FAM53B: variants seen among roughly 807,000 people sequenced by gnomAD.
FAM53B encodes protein FAM53B.
A neutral mutation model predicts 32.7 loss-of-function variants in FAM53B; 12 were observed. The ratio of observed to expected loss-of-function variants is 0.37; its 90% CI spans 0.24 to 0.59. The LOEUF (loss-of-function observed/expected upper bound fraction) is 0.59, where lower values mean the gene tolerates loss of function less well. FAM53B is among the 20% of genes least tolerant of loss of function. The pLI is 0.72. For synonymous variants in FAM53B, 234 were observed against 228.7 expected (o/e 1.02, Z -0.21); for missense variants, 477 against 577.7 (o/e 0.83, Z 1.79).
chr10:124,685,191 T>G (rs575284410), intron 3 of FAM53B, among the ~76,000 whole-genome samples: 1 of 152,242 alleles, frequency 6.6e-6, no homozygotes, highest in Non-Finnish European at 1.5e-5. Context: ...AAGAAAGAAA[T>G]AAACCGAAAT....
At chr10:124,685,968 C>T (rs1346889741) in intron 3 of FAM53B, among the ~76,000 whole-genome samples, 6 of 152,132 alleles carry the variant, frequency 3.9e-5, no homozygotes, top group Non-Finnish European at 8.8e-5. Context: ...GGCACCCGGG[C>T]CCATCTCCAC....
intron 4 of FAM53B, among the ~76,000 whole-genome samples, chr10:124,654,373 A>C (rs540633804): frequency 7.2e-5 from 11 of 152,368 alleles, no homozygotes; most frequent in Middle Eastern, 3.4e-3. Context: ...CCACACTGGA[A>C]CATCAGCTCT....
chr10:124,698,940 G>A (rs1187764182), intron 2 of FAM53B, among the ~76,000 whole-genome samples: 2 of 152,124 alleles, frequency 1.3e-5, no homozygotes, highest in African/African-American at 2.4e-5. Context: ...CCTTGCTCTG[G>A]CCCTCCCCTC....
At chr10:124,634,101 C>T (rs1425823005) in intron 4 of FAM53B, among the ~76,000 whole-genome samples, 1 of 152,178 alleles carries the variant, frequency 6.6e-6, no homozygotes. Context: ...AACTTGTACA[C>T]AAACATTTAC....
Position 124,706,684 on chromosome 10 carries a change from G to A in FAM53B, c.30C>T (p.Ser10=). MVMVLSESL[S]TRGADSIACG... ...ATGCAATGGAGTCAGCTCCCCGGGT[G>A]CTGAGGCTTTCACTTAGGACCATCA... The change falls in exon 2 of 5, where the codon AGC becomes AGT. Residue 10 remains serine (S), a synonymous_variant. Transcript: ENST00000337318. 1 of 1,614,164 alleles carries A rather than the reference G, an allele frequency of 6.2e-7. No individual in the cohort carries two copies. The highest frequency in any genetic ancestry group is 8.5e-7 in the Non-Finnish European group (1 of 1,180,010).
intron 4 of FAM53B, among the ~76,000 whole-genome samples, chr10:124,652,249 T>C (rs1316169070): frequency 1.3e-5 from 2 of 152,196 alleles, no homozygotes; most frequent in African/African-American, 4.8e-5. Flanking sequence ...TCAACCATAA[T>C]ACCAGGGCTT....
chr10:124,643,082 G>A (rs1014175017), intron 4 of FAM53B, among the ~76,000 whole-genome samples: 8 of 152,184 alleles, frequency 5.3e-5, no homozygotes, highest in East Asian at 3.8e-4. Flanking sequence ...GAAAGAGCAC[G>A]AAAAGGACAC....
At chr10:124,690,243 A>G (rs1233623680) in intron 3 of FAM53B, among the ~76,000 whole-genome samples, 1 of 152,268 alleles carries the variant, frequency 6.6e-6, no homozygotes, top group East Asian at 1.9e-4. Context: ...GAGAAAGAGC[A>G]TGAATGTGCA....
intron 1 of FAM53B, among the ~76,000 whole-genome samples, chr10:124,711,542 A>T (rs114752459): frequency 0.013 from 1,996 of 152,328 alleles, 38 homozygotes; most frequent in African/African-American, 0.033. Context: ...CAAAAAAAAA[A>T]TTTTAAATAA....
intron 4 of FAM53B, among the ~76,000 whole-genome samples, chr10:124,635,625 C>T (rs938719334): frequency 5.9e-5 from 9 of 152,160 alleles, no homozygotes; most frequent in African/African-American, 1.7e-4. Flanking sequence ...AGGGCTCCTA[C>T]AGCGTTAACC....
At chr10:124,736,767 A>C (rs925110773) in intron 1 of FAM53B, among the ~76,000 whole-genome samples, 2 of 152,236 alleles carry the variant, frequency 1.3e-5, no homozygotes, top group Non-Finnish European at 2.9e-5. Context: ...AGCTGCCAGG[A>C]CACACAGCGG....
In FAM53B at chr10:124,680,988, G is replaced by C. The variant is rs950915669; in HGVS notation, c.906+619C>G. Among the ~76,000 whole-genome samples, 3 of 152,324 alleles carry C rather than the reference G, an allele frequency of 2.0e-5. No homozygotes were observed. In the South Asian group the frequency reaches 6.2e-4, roughly 32 times the overall value. Reference sequence around the variant, plus strand: ...AAGATCAGTGTTAGCACAAGGCAGAGCTCCAAGACAAAGAGGATAAAGTCC... The same window carrying C: ...AAGATCAGTGTTAGCACAAGGCAGACCTCCAAGACAAAGAGGATAAAGTCC... On this transcript the variant is annotated intron_variant, in intron 4 of 4. Coordinates refer to ENST00000337318, the MANE Select transcript of FAM53B (RefSeq NM_014661.4).
At chr10:124,645,126 T>C (rs1254019015) in intron 4 of FAM53B, among the ~76,000 whole-genome samples, 1 of 152,170 alleles carries the variant, frequency 6.6e-6, no homozygotes, top group Non-Finnish European at 1.5e-5. Context: ...CACAAGGAGC[T>C]GGCTGGAGCC....
chr10:124,677,431 C>T (rs543638788), intron 4 of FAM53B, among the ~76,000 whole-genome samples: 4 of 152,354 alleles, frequency 2.6e-5, no homozygotes, highest in East Asian at 1.9e-4. Context: ...AGGAGGCCCA[C>T]GGGGCCGGGC....
intron 4 of FAM53B, among the ~76,000 whole-genome samples, chr10:124,648,871 C>T (rs917206715): frequency 6.6e-6 from 1 of 152,228 alleles, no homozygotes; most frequent in East Asian, 1.9e-4. Context: ...CAGCCCTTAA[C>T]GAATGTGCAG....
chr10:124,624,061 G>C (rs539264580), intron 4 of FAM53B: 1 of 162,468 alleles, frequency 6.2e-6, no homozygotes, highest in Non-Finnish European at 1.3e-5. Context: ...GAAAAGAAGA[G>C]AGTAACCCAA....
intron 4 of FAM53B, among the ~76,000 whole-genome samples, chr10:124,628,787 AG>A (rs1184686537): frequency 6.6e-6 from 1 of 152,220 alleles, no homozygotes; most frequent in African/African-American, 2.4e-5. Flanking sequence ...CAACAGGTGC[AG>A]GGACAGGAGC....
intron 2 of FAM53B, among the ~76,000 whole-genome samples, chr10:124,704,518 GA>G (rs1261368670): frequency 6.6e-6 from 1 of 152,254 alleles, no homozygotes; most frequent in East Asian, 1.9e-4. Context: ...AGTAGCCAGA[GA>G]AGGAAGGAGG....
intron 1 of FAM53B, among the ~76,000 whole-genome samples, chr10:124,736,418 T>TC (rs1457139421): frequency 1.3e-5 from 2 of 152,326 alleles, no homozygotes; most frequent in African/African-American, 4.8e-5. Flanking sequence ...AGACCTCTTT[T>TC]CCCCCGGGCT....
Sources: gnomAD v4.1 joint callset for allele counts (sites outside exome capture counted in the v4.1 genomes callset) on GRCh38, gnomAD v4.1.1 for gene constraint, MANE v1.5 for transcripts, NCBI Gene and HGNC (gene_info 2026-07-23, HGNC 2026-07-21) for gene names.